Variants in GALNT18 observed in about 807,000 individuals in gnomAD.
GALNT18 encodes GalNAc-transferase 18.
Under a neutral mutation model 69.5 loss-of-function variants are expected in GALNT18, and 44 were observed. That is an observed-to-expected ratio of 0.63 (90% confidence interval 0.50 to 0.81). GALNT18 has a LOEUF of 0.81. Among genes scored for constraint, GALNT18 ranks in the 40% least tolerant of loss-of-function variants. The pLI is 0.00. For missense variants in GALNT18, 715 were observed against 810.0 expected (o/e 0.88, Z 1.42); for synonymous variants, 364 against 318.2 (o/e 1.14, Z -1.53).
At position 11,436,610 on chromosome 11, in the gene GALNT18, A is replaced by C. The variant is rs1044514804; in HGVS notation, c.429-3823T>G. Among the ~76,000 whole-genome samples the C allele has an allele frequency of 6.6e-6, 1 of 152,244 alleles. No homozygotes were observed. The highest frequency in any genetic ancestry group is 6.5e-5 in the Admixed American group (1 of 15,294). ...GAATAAATTCCCTTTCAGTTTCCAC[A>C]AAACACACGTTCATGCCACATCATG... On this transcript the variant is annotated intron_variant, in intron 2 of 10. Coordinates refer to ENST00000227756, the MANE Select transcript of GALNT18 (RefSeq NM_198516.3). This position sits in a 1 kb window ranked among gnomAD's most constrained non-coding sequence, Gnocchi z 4.5.
intron 9 of GALNT18, among the ~76,000 whole-genome samples, chr11:11,310,436 A>G (rs11021779): frequency 0.089 from 13,594 of 152,316 alleles, 771 homozygotes; most frequent in Non-Finnish European, 0.13. Flanking sequence ...ATGACCCAGC[A>G]TATTCCAAGG....
chr11:11,552,488 T>C (rs1033573998), intron 1 of GALNT18, among the ~76,000 whole-genome samples: 7 of 152,338 alleles, frequency 4.6e-5, no homozygotes, highest in African/African-American at 1.4e-4. Flanking sequence ...GACAACTGGC[T>C]ATTGAGTAAA....
rs528656736 is a variant in GALNT18 at position 11,276,338 on chromosome 11, T to C, written c.1678-5048A>G. ...TCATGATTTGGCTGTTTGTCTTTTA[T>C]TGGTGTATAGGAATGCTTGTGATTT... On this transcript the variant is annotated intron_variant, in intron 10 of 10. Transcript: ENST00000227756. Among the ~76,000 whole-genome samples the C allele has an allele frequency of 3.9e-5, 6 of 152,326 alleles. No homozygotes were observed. In the South Asian group the frequency reaches 8.3e-4, roughly 21 times the overall value.
rs1857475104 is a variant in GALNT18, at chr11:11,524,521, A to G, written c.236-75585T>C. Among the ~76,000 whole-genome samples, 3 of 152,188 alleles carry G rather than the reference A, an allele frequency of 2.0e-5. No homozygotes were observed. In the South Asian group the frequency reaches 6.2e-4, roughly 32 times the overall value. On this transcript the variant is annotated intron_variant, in intron 1 of 10. Transcript: ENST00000227756. ...TAGCAGAAGCTTTAGGAGCCATTGC[A>G]TATGGAGGCTCTCACTTTCGTTTTC...
At chr11:11,521,552 G>A (rs573470162) in intron 1 of GALNT18, among the ~76,000 whole-genome samples, 2 of 152,182 alleles carry the variant, frequency 1.3e-5, no homozygotes, top group African/African-American at 2.4e-5. Context: ...ATTACACCAC[G>A]GAAGAAACTC....
At chr11:11,612,796 G>C (rs1347084861) in intron 1 of GALNT18, among the ~76,000 whole-genome samples, 1 of 152,208 alleles carries the variant, frequency 6.6e-6, no homozygotes, top group Admixed American at 6.5e-5. Context: ...CTCCTTGTAG[G>C]CATCATTTTT....
In GALNT18 at chr11:11,523,997, T is replaced by C. The variant is rs1857461965; in HGVS notation, c.236-75061A>G. 2.0e-5 allele frequency among the ~76,000 whole-genome samples: 3 copies of C among 151,808 alleles called. 1 individual carries two copies. The South Asian group carries it at 6.2e-4, about 32-fold the overall frequency. On this transcript the variant is annotated intron_variant, in intron 1 of 10. Coordinates refer to ENST00000227756, the MANE Select transcript of GALNT18 (RefSeq NM_198516.3). The surrounding 1 kb of genome is among the most constrained non-coding windows in gnomAD (Gnocchi z 4.3). The stretch of plus-strand genomic sequence containing the variant: ...TTGCAGCTACCAGCACCCCAAGAAC[T>C]CAAGGCTCCTGGCACTTCAGCTAGT...
Position 11,542,298 on chromosome 11 carries a change from C to CT in GALNT18, c.235+79060dup, listed in dbSNP as rs906877511. On this transcript the variant is annotated intron_variant, in intron 1 of 10. Coordinates refer to ENST00000227756, the MANE Select transcript of GALNT18 (RefSeq NM_198516.3). This position sits in a 1 kb window ranked among gnomAD's most constrained non-coding sequence, Gnocchi z 4.3. Reference sequence around the variant, plus strand: ...CTAGCCTTTCCCTCAGCCTTTCTCCCTACCAGATAGAGCAAGCCATGGACA... The same window carrying CT: ...CTAGCCTTTCCCTCAGCCTTTCTCCCTTACCAGATAGAGCAAGCCATGGACA... 6.6e-6 allele frequency among the ~76,000 whole-genome samples: 1 copy of CT among 152,158 alleles called. No individual in the cohort carries two copies. Among genetic ancestry groups the CT allele is most frequent in the African/African-American group, 2.4e-5 (1 of 41,420 alleles).
intron 2 of GALNT18, among the ~76,000 whole-genome samples, chr11:11,448,385 T>C (rs1296968788): frequency 6.6e-6 from 1 of 152,198 alleles, no homozygotes; most frequent in African/African-American, 2.4e-5. Context: ...ACAAGATAGA[T>C]GTACTTTAAA....
chr11:11,502,824 G>T (rs1857000707), intron 1 of GALNT18, among the ~76,000 whole-genome samples: 1 of 152,146 alleles, frequency 6.6e-6, no homozygotes, highest in African/African-American at 2.4e-5. Context: ...TAAATTCACG[G>T]CTGAATTCCT....
At chr11:11,390,011 TG>T (rs543343092) in intron 3 of GALNT18, among the ~76,000 whole-genome samples, 26 of 152,230 alleles carry the variant, frequency 1.7e-4, no homozygotes, top group Non-Finnish European at 3.4e-4. Context: ...TTTATGATTC[TG>T]AATCCAAAAT....
rs1241898616 is a variant in GALNT18, at chr11:11,600,014, T to G, written c.235+21345A>C. Among the ~76,000 whole-genome samples, 1 of 152,046 alleles carries G rather than the reference T, an allele frequency of 6.6e-6. No homozygotes were observed. Among genetic ancestry groups the G allele is most frequent in the African/African-American group, 2.4e-5 (1 of 41,450 alleles). ...TCCAAGTCCATTAACTTAATTCTAGTGAAATATAGAAAATTTAGTCCTATA... is the reference window on the plus strand; with the variant it reads ...TCCAAGTCCATTAACTTAATTCTAGGGAAATATAGAAAATTTAGTCCTATA... On this transcript the variant is annotated intron_variant, in intron 1 of 10. Coordinates refer to ENST00000227756, the MANE Select transcript of GALNT18 (RefSeq NM_198516.3). This position sits in a 1 kb window ranked among gnomAD's most constrained non-coding sequence, Gnocchi z 4.8.
At chr11:11,281,919 G>C (rs912627891) in intron 10 of GALNT18, among the ~76,000 whole-genome samples, 1 of 151,970 alleles carries the variant, frequency 6.6e-6, no homozygotes, top group African/African-American at 2.4e-5. Context: ...GAGGCTGGGA[G>C]GGGAGGGTGC....
At chr11:11,313,633 A>G (rs1249409663) in intron 9 of GALNT18, among the ~76,000 whole-genome samples, 1 of 152,110 alleles carries the variant, frequency 6.6e-6, no homozygotes, top group African/African-American at 2.4e-5. Flanking sequence ...GTTTAACTAA[A>G]CTAGGGAGAC....
chr11:11,286,131 C>T (rs1849188707), intron 10 of GALNT18, among the ~76,000 whole-genome samples: 1 of 152,196 alleles, frequency 6.6e-6, no homozygotes, highest in African/African-American at 2.4e-5. Flanking sequence ...TAAGCTCAGC[C>T]TTGCCAATGT....
rs1018783724 is a variant in GALNT18 at position 11,285,313 on chromosome 11, C to T, written c.1677+7716G>A. Among the ~76,000 whole-genome samples the T allele has an allele frequency of 3.3e-5, 5 of 152,162 alleles. No individual in the cohort carries two copies. In the South Asian group the frequency reaches 1.0e-3, roughly 32 times the overall value. On this transcript the variant is annotated intron_variant, in intron 10 of 10. Coordinates refer to ENST00000227756, the MANE Select transcript of GALNT18 (RefSeq NM_198516.3). The stretch of plus-strand genomic sequence containing the variant: ...TAATCTCTCCATGCCTCAGTTTCCT[C>T]CTCTGTAAAACTGGGGATAATTATA...
rs1235804176 is a variant in GALNT18 at position 11,459,671 on chromosome 11, T to C, written c.236-10735A>G. On this transcript the variant is annotated intron_variant, in intron 1 of 10. Coordinates refer to ENST00000227756, the MANE Select transcript of GALNT18 (RefSeq NM_198516.3). This position sits in a 1 kb window ranked among gnomAD's most constrained non-coding sequence, Gnocchi z 5.0. ...TTGCTGTCGAATGTGGATAATAATG[T>C]CTATGTCTAAGCTTGTTGCAAAGAT... Among the ~76,000 whole-genome samples, 1 of 152,196 alleles carries C rather than the reference T, an allele frequency of 6.6e-6. No homozygotes were observed. The highest frequency in any genetic ancestry group is 1.5e-5 in the Non-Finnish European group (1 of 68,034).
rs941583599 is a variant in GALNT18 at position 11,603,514 on chromosome 11, C to G, written c.235+17845G>C. ...TTTGAAATGATACACAGCACCCACC[C>G]CCTCAACCATCAGAGCAACATACCC... On this transcript the variant is annotated intron_variant, in intron 1 of 10. Transcript: ENST00000227756. The surrounding 1 kb of genome is among the most constrained non-coding windows in gnomAD (Gnocchi z 4.5). Among the ~76,000 whole-genome samples, 2 of 152,160 alleles carry G rather than the reference C, an allele frequency of 1.3e-5. No homozygotes were observed. The highest frequency in any genetic ancestry group is 3.9e-4 in the East Asian group (2 of 5,186).
chr11:11,276,178 T>C (rs1374422587), intron 10 of GALNT18, among the ~76,000 whole-genome samples: 2 of 152,238 alleles, frequency 1.3e-5, no homozygotes, highest in African/African-American at 2.4e-5. Flanking sequence ...GGAATGTTTT[T>C]CCATTTGCTT....
Sources: gnomAD v4.1 joint callset for allele counts (sites outside exome capture counted in the v4.1 genomes callset) on GRCh38, gnomAD v4.1.1 for gene constraint, Gnocchi (gnomAD v3.1) non-coding constraint, MANE v1.5 for transcripts, NCBI Gene and HGNC (gene_info 2026-07-23, HGNC 2026-07-21) for gene names.